The following MAN1C1 variants were observed in gnomAD, a reference collection of about 807,000 sequenced individuals.
MAN1C1 encodes the protein mannosidase alpha class 1C member 1.
Under a neutral mutation model 71.5 loss-of-function variants are expected in MAN1C1, and 49 were observed. The observed-to-expected ratio is 0.69, with a 90% CI of 0.54 to 0.87. MAN1C1 has a LOEUF of 0.87. Ranked by LOEUF, MAN1C1 falls within the 40% of genes least tolerant of loss-of-function variation. MAN1C1 has a pLI of 0.00. For synonymous variants in MAN1C1, 352 were observed against 343.7 expected, an observed-to-expected ratio of 1.02 and a Z score of -0.27; for missense variants, 743 against 835.0, an observed-to-expected ratio of 0.89 and a Z score of 1.36.
rs1017932410 is a variant in MAN1C1, at chr1:25,778,589, A to G, written c.1477+265A>G. On this transcript the variant is annotated intron_variant, in intron 9 of 11. Transcript: ENST00000374332. This position sits in a 1 kb window ranked among gnomAD's most constrained non-coding sequence, Gnocchi z 5.5. ...ACAACATCACTGAACCTCACCACACAGATGAGGAAACTGAGGCTCAGAGAT... is the reference window on the plus strand; with the variant it reads ...ACAACATCACTGAACCTCACCACACGGATGAGGAAACTGAGGCTCAGAGAT... Among the ~76,000 whole-genome samples, 1 of 152,170 alleles carries G rather than the reference A, an allele frequency of 6.6e-6. No homozygotes were observed. The highest frequency in any genetic ancestry group is 2.4e-5 in the African/African-American group (1 of 41,442).
At chr1:25,752,191 A>G (rs564681827) in intron 4 of MAN1C1, among the ~76,000 whole-genome samples, 3 of 152,172 alleles carry the variant, frequency 2.0e-5, no homozygotes, top group African/African-American at 7.2e-5. Flanking sequence ...TATAAAGTAC[A>G]TTCATTTCTC....
At chr1:25,741,930 G>T (rs542785710) in intron 2 of MAN1C1, among the ~76,000 whole-genome samples, 3 of 152,266 alleles carry the variant, frequency 2.0e-5, no homozygotes, top group Admixed American at 2.0e-4. Flanking sequence ...TGGAGACAAG[G>T]CTGGAAGGTT....
At chr1:25,649,233 G>T (rs2045657193) in intron 1 of MAN1C1, among the ~76,000 whole-genome samples, 1 of 152,250 alleles carries the variant, frequency 6.6e-6, no homozygotes, top group African/African-American at 2.4e-5. Context: ...TCTGTGGCAA[G>T]TGCAGGCTGA....
chr1:25,752,420 G>A (rs2047229315), intron 4 of MAN1C1, among the ~76,000 whole-genome samples: 1 of 152,096 alleles, frequency 6.6e-6, no homozygotes, highest in South Asian at 2.1e-4. Flanking sequence ...ACCTGCTTCG[G>A]CCTCCCAAAA....
At chr1:25,664,306 TG>T (rs1214329965) in intron 1 of MAN1C1, among the ~76,000 whole-genome samples, 2 of 152,184 alleles carry the variant, frequency 1.3e-5, no homozygotes, top group Non-Finnish European at 2.9e-5. Context: ...ATGAGGCATT[TG>T]GCAATGCTGA....
chr1:25,777,337 C>T (rs1450125949), intron 8 of MAN1C1, among the ~76,000 whole-genome samples: 1 of 152,136 alleles, frequency 6.6e-6, no homozygotes, highest in Non-Finnish European at 1.5e-5. Context: ...CCCCTTGGTC[C>T]CCAGGGCTCC....
At chr1:25,692,493 C>T (rs539149701) in intron 2 of MAN1C1, among the ~76,000 whole-genome samples, 5 of 152,278 alleles carry the variant, frequency 3.3e-5, no homozygotes, top group East Asian at 1.9e-4. Context: ...GGATTACAGG[C>T]GGGAGCCACT....
chr1:25,674,216 T>C (rs575622633), intron 1 of MAN1C1, among the ~76,000 whole-genome samples: 50 of 152,346 alleles, frequency 3.3e-4, no homozygotes, highest in African/African-American at 1.1e-3. Context: ...TGTCCCTTTA[T>C]TGGGCCTTTG....
intron 2 of MAN1C1, among the ~76,000 whole-genome samples, chr1:25,715,517 C>T (rs567395438): frequency 3.4e-4 from 52 of 152,274 alleles, no homozygotes; most frequent in Non-Finnish European, 6.6e-4. Context: ...ACTTTGTGGA[C>T]CTAGGTGTGA....
At chr1:25,710,417 A>G (rs1379481399) in intron 2 of MAN1C1, among the ~76,000 whole-genome samples, 1 of 152,246 alleles carries the variant, frequency 6.6e-6, no homozygotes, top group East Asian at 1.9e-4. Flanking sequence ...GACAAATGGT[A>G]ACAGGCACCA....
chr1:25,636,259 C>T (rs1165563665), intron 1 of MAN1C1, among the ~76,000 whole-genome samples: 2 of 152,080 alleles, frequency 1.3e-5, no homozygotes, highest in Admixed American at 6.5e-5. Flanking sequence ...CCGGTCTGAC[C>T]ACAAATTTAC....
At chr1:25,717,032 A>C (rs766773297) in intron 2 of MAN1C1, among the ~76,000 whole-genome samples, 1 of 152,182 alleles carries the variant, frequency 6.6e-6, no homozygotes, top group Non-Finnish European at 1.5e-5. Context: ...GTATTCCGTC[A>C]TATGGATATG....
At chr1:25,719,279 G>C (rs1240520419) in intron 2 of MAN1C1, among the ~76,000 whole-genome samples, 1 of 149,778 alleles carries the variant, frequency 6.7e-6, no homozygotes, top group East Asian at 1.9e-4. Flanking sequence ...CGCCATGTTG[G>C]CCAGGCTGGT....
At chr1:25,740,396 A>AGTGGC (rs2047044468) in intron 2 of MAN1C1, among the ~76,000 whole-genome samples, 1 of 152,006 alleles carries the variant, frequency 6.6e-6, no homozygotes, top group African/African-American at 2.4e-5. Flanking sequence ...CGAGCAGAGG[A>AGTGGC]GTGGCATGAT....
At chr1:25,714,537 T>A (rs977363884) in intron 2 of MAN1C1, among the ~76,000 whole-genome samples, 86 of 152,156 alleles carry the variant, frequency 5.7e-4, no homozygotes, top group African/African-American at 2.0e-3. Flanking sequence ...TTATGTGTTC[T>A]GCATGAGCTT....
chr1:25,624,938 A>G (rs1312565074), intron 1 of MAN1C1, among the ~76,000 whole-genome samples: 1 of 151,598 alleles, frequency 6.6e-6, no homozygotes, highest in Admixed American at 6.6e-5. Flanking sequence ...TTATACAACA[A>G]CCTTGTGTTG....
chr1:25,651,825 G>A (rs2045696846), intron 1 of MAN1C1, among the ~76,000 whole-genome samples: 1 of 152,242 alleles, frequency 6.6e-6, no homozygotes, highest in Non-Finnish European at 1.5e-5. Flanking sequence ...GATTTCAGGT[G>A]TTTCCTCAGA....
chr1:25,706,915 C>T (rs2124235240), intron 2 of MAN1C1, among the ~76,000 whole-genome samples: 1 of 152,258 alleles, frequency 6.6e-6, no homozygotes, highest in South Asian at 2.1e-4. Flanking sequence ...AGTACACAGG[C>T]AGAATAGGGC....
At position 25,633,093 on chromosome 1, in the gene MAN1C1, C is replaced by G. The variant is rs537342090; in HGVS notation, c.540+14756C>G. Among the ~76,000 whole-genome samples, 14 of 152,222 alleles carry G rather than the reference C, an allele frequency of 9.2e-5. No homozygotes were observed. The South Asian group carries it at 1.4e-3, about 16-fold the overall frequency. On this transcript the variant is annotated intron_variant, in intron 1 of 11. Transcript: ENST00000374332. ...ATGTTGGCCAGGATGGTCTTGATCT[C>G]TGACCTCATGATCCACCATCGTTGG...
Sources: allele counts gnomAD v4.1 joint callset (sites outside exome capture counted in the v4.1 genomes callset), GRCh38; gene constraint gnomAD v4.1.1; non-coding constraint Gnocchi (gnomAD v3.1); transcripts MANE v1.5; gene names NCBI Gene and HGNC (gene_info 2026-07-23, HGNC 2026-07-21).